Variants in CFAP47 observed in about 807,000 individuals in gnomAD.
The protein encoded by CFAP47 is cilia and flagella associated protein 47, also known as cilia- and flagella-associated protein 47.
CFAP47 carries 29 observed loss-of-function variants against 148.1 expected under a neutral mutation model. The ratio of observed to expected loss-of-function variants is 0.20; its 90% CI spans 0.15 to 0.27. CFAP47 has a LOEUF of 0.27. Among genes scored for constraint, CFAP47 ranks in the 10% least tolerant of loss-of-function variants. The pLI, the probability that CFAP47 is intolerant of heterozygous loss-of-function variation, is 1.00. For synonymous variants in CFAP47, 664 were observed against 577.3 expected (o/e 1.15, Z -2.15); for missense variants, 1,872 against 1,697.5 (o/e 1.10, Z -1.81).
chrX:36,133,211 G>A (rs1938980860), intron 33 of CFAP47, among the ~76,000 whole-genome samples: 1 of 111,194 alleles, frequency 9.0e-6, no homozygotes, highest in Admixed American at 9.6e-5. Context: ...AACTTCACAT[G>A]TTGCTCACAG....
chrX:36,240,780 A>C (rs189567523), intron 48 of CFAP47, among the ~76,000 whole-genome samples: 21 of 111,859 alleles, frequency 1.9e-4, no homozygotes, highest in Non-Finnish European at 5.6e-5. Flanking sequence ...AGCTCAACCA[A>C]CTTAAAAACA....
intron 40 of CFAP47, among the ~76,000 whole-genome samples, chrX:36,187,930 G>A (rs1555985920): frequency 9.0e-6 from 1 of 111,718 alleles, no homozygotes; most frequent in African/African-American, 3.3e-5. Flanking sequence ...CAAATGTGGG[G>A]TTTTGTGTTC....
At chrX:36,309,149 T>G (rs2146962469) in intron 55 of CFAP47, among the ~76,000 whole-genome samples, 1 of 111,375 alleles carries the variant, frequency 9.0e-6, no homozygotes, top group South Asian at 3.7e-4. Context: ...TTCAGATGCT[T>G]CCTTTTTATT....
intron 23 of CFAP47, among the ~76,000 whole-genome samples, chrX:36,032,291 A>G (rs1222918049): frequency 1.8e-5 from 2 of 110,174 alleles, no homozygotes; most frequent in Non-Finnish European, 3.8e-5. Flanking sequence ...AGAAAGAGGG[A>G]CATTGGCCCC....
intron 8 of CFAP47, among the ~76,000 whole-genome samples, chrX:35,964,221 A>G (rs900169007): frequency 9.0e-6 from 1 of 111,594 alleles, no homozygotes. Context: ...TTTGAATGAT[A>G]GTTTTGCTAG....
At chrX:36,349,994 AGTTTCTCCTTTT>A in intron 58 of CFAP47, 32 bp from the exon 59 acceptor site, 1 of 776,820 alleles carries the variant, frequency 1.3e-6, no homozygotes, top group Non-Finnish European at 1.9e-6. Context: ...GTTAATATGG[AGTTTCTCCTTTT>A]GTTCCCTCTT....
intron 62 of CFAP47, among the ~76,000 whole-genome samples, chrX:36,379,134 A>AT (rs1461988381): frequency 1.0e-5 from 1 of 98,326 alleles, no homozygotes; most frequent in African/African-American, 4.7e-5. Context: ...ATAAGATGTG[A>AT]TTTTAAGAAT....
At chrX:36,144,059 C>G (rs1313546054) in intron 35 of CFAP47, among the ~76,000 whole-genome samples, 2 of 111,687 alleles carry the variant, frequency 1.8e-5, no homozygotes, top group Non-Finnish European at 3.8e-5. Flanking sequence ...TCTCTATCTC[C>G]TCATCCTATA....
intron 49 of CFAP47, among the ~76,000 whole-genome samples, chrX:36,275,777 T>C (rs1556002578): frequency 9.0e-6 from 1 of 111,012 alleles, no homozygotes. Flanking sequence ...TGTTAATTCC[T>C]CTTTAAATGT....
intron 45 of CFAP47, among the ~76,000 whole-genome samples, chrX:36,222,370 CTT>C (rs34307807): frequency 0.055 from 6,011 of 108,785 alleles, 209 homozygotes; most frequent in Non-Finnish European, 0.088. Context: ...TCCTATCACT[CTT>C]TGTCTTTTAT....
intron 57 of CFAP47, among the ~76,000 whole-genome samples, chrX:36,339,559 T>G (rs1556015416): frequency 9.0e-6 from 1 of 111,610 alleles, no homozygotes; most frequent in African/African-American, 3.3e-5. Context: ...CATTAAGAGA[T>G]TCTAAACACA....
chrX:36,115,269 T>A (rs1481085451), intron 33 of CFAP47, among the ~76,000 whole-genome samples: 2 of 111,972 alleles, frequency 1.8e-5, no homozygotes, highest in African/African-American at 6.5e-5. Context: ...GTTTTTCTAG[T>A]TTATTATTAG....
Position 35,975,147 on chromosome X carries a change from G to T in CFAP47, c.2255G>T (p.Gly752Val). The T allele has an allele frequency of 1.8e-6, 2 of 1,087,974 alleles. No homozygotes were observed. The highest frequency in any genetic ancestry group is 2.4e-6 in the Non-Finnish European group (2 of 819,391). 89.7% of individuals were successfully genotyped at this position (1,087,974 alleles called of 1,213,427 possible). The change falls in exon 14 of 64, where the codon GGG becomes GTG. Residue 752 changes from glycine (G) to valine (V), a missense_variant and splice_region_variant. Gly to Val is a moderately radical substitution (Grantham distance 109). Transcript: ENST00000378653. ...CAAAATACTTTTCATTTTTTTTCAGGGCCTTCTGTCCTTAACTTTGGTAAT... is the reference window on the plus strand; with the variant it reads ...CAAAATACTTTTCATTTTTTTTCAGTGCCTTCTGTCCTTAACTTTGGTAAT... ...TPKQIHQVIV[G>V]PSVLNFGNIC...
intron 33 of CFAP47, among the ~76,000 whole-genome samples, chrX:36,119,091 A>G (rs1461184671): frequency 8.9e-6 from 1 of 111,780 alleles, no homozygotes; most frequent in Non-Finnish European, 1.9e-5. Context: ...TACCCTAGCT[A>G]GGATTTACAG....
chrX:36,134,869 TCAA>T (rs946136328), intron 33 of CFAP47, among the ~76,000 whole-genome samples: 6 of 109,355 alleles, frequency 5.5e-5, no homozygotes, highest in African/African-American at 1.7e-4. Context: ...CTCTCCAAAT[TCAA>T]CAACAAGAAA....
intron 30 of CFAP47, among the ~76,000 whole-genome samples, chrX:36,094,884 G>T (rs931411573): frequency 9.0e-6 from 1 of 110,564 alleles, no homozygotes; most frequent in African/African-American, 3.3e-5. Context: ...TTGTGTGATT[G>T]CTCTAGCTGG....
chrX:36,205,196 A>G (rs1247335301), intron 45 of CFAP47, 86 bp downstream of exon 45: 4 of 289,923 alleles, frequency 1.4e-5, no homozygotes, highest in African/African-American at 8.2e-5. Flanking sequence ...AAGAGATTAC[A>G]CTTTTACTGA....
Position 36,338,641 on chromosome X carries a change from C to G in CFAP47, c.8444-9488C>G, listed in dbSNP as rs781887706. ...CATTCTCCTTTGCTGTTCCTGCCCCCCTAACTTCCTAGAGGCTATCTTCTC... is the reference window on the plus strand; with the variant it reads ...CATTCTCCTTTGCTGTTCCTGCCCCGCTAACTTCCTAGAGGCTATCTTCTC... On this transcript the variant is annotated intron_variant, in intron 57 of 63. Coordinates refer to ENST00000378653, the MANE Select transcript of CFAP47 (RefSeq NM_001304548.2). Among the ~76,000 whole-genome samples the G allele has an allele frequency of 6.3e-5, 7 of 111,744 alleles. No individual in the cohort carries two copies. In the East Asian group the frequency reaches 1.4e-3, roughly 23 times the overall value.
At chrX:36,227,108 C>CCT (rs1940279019) in intron 45 of CFAP47, among the ~76,000 whole-genome samples, 1 of 111,301 alleles carries the variant, frequency 9.0e-6, no homozygotes. Context: ...AACACAAATA[C>CCT]CTCTCTCAGG....
Sources: allele counts gnomAD v4.1 joint callset (sites outside exome capture counted in the v4.1 genomes callset), GRCh38; gene constraint gnomAD v4.1.1; transcripts MANE v1.5; gene names NCBI Gene and HGNC (gene_info 2026-07-23, HGNC 2026-07-21).